Variants in SAMD14 observed in about 807,000 individuals in gnomAD.
SAMD14 encodes sterile alpha motif domain containing 14.
Under a neutral mutation model 46.2 loss-of-function variants are expected in SAMD14, and 27 were observed. The ratio of observed to expected loss-of-function variants is 0.58; its 90% confidence interval spans 0.43 to 0.81. The LOEUF (loss-of-function observed/expected upper bound fraction) is 0.81, where lower values mean the gene tolerates loss of function less well. SAMD14 is among the 30% of genes least tolerant of loss of function. SAMD14 has a pLI of 0.00. For synonymous variants in SAMD14, 241 were observed against 254.3 expected (o/e 0.95, Z 0.50); for missense variants, 559 against 582.2 (o/e 0.96, Z 0.41).
chr17:50,124,045 T>C (rs540586877), intron 2 of SAMD14: 25 of 455,732 alleles, frequency 5.5e-5, no homozygotes, highest in South Asian at 3.7e-4. Context: ...CTGGGGACCC[T>C]CTGGCATAGG....
At position 50,113,001 on chromosome 17, in the gene SAMD14, C is replaced by T. The variant is rs939545041; in HGVS notation, c.1146G>A (p.Lys382=). 6.2e-7 allele frequency: 1 copy of T among 1,612,394 alleles called. No individual in the cohort carries two copies. The highest frequency in any genetic ancestry group is 8.5e-7 in the Non-Finnish European group (1 of 1,179,990). The change falls in exon 10 of 10, where the codon AAG becomes AAA. Residue 382 remains lysine (K), a synonymous_variant. Transcript: ENST00000330175. ...NSHDRALVKR[K]LKEMAAAAEK... ...CGGCAGCTGCTGCCATCTCCTTCAA[C>T]TTGCGCTTCACCAGTGCCCGGTCAT... is the stretch of plus-strand genomic sequence containing the variant.
At position 50,114,166 on chromosome 17, in the gene SAMD14, C is replaced by A. The variant is rs762535818; in HGVS notation, c.942+21G>T. The A allele has an allele frequency of 5.0e-6, 8 of 1,614,096 alleles. No individual in the cohort carries two copies. In the South Asian group the frequency reaches 8.8e-5, roughly 18 times the overall value. ...GTCAGAGGTCAGGACTCCGTGGGCACCCTGGGCCAGCCTTGCTCACCTCAT... is the reference window on the plus strand; with the variant it reads ...GTCAGAGGTCAGGACTCCGTGGGCAACCTGGGCCAGCCTTGCTCACCTCAT... On this transcript the variant is annotated intron_variant, in intron 8 of 9. Transcript: ENST00000330175.
intron 4 of SAMD14, among the ~76,000 whole-genome samples, chr17:50,117,025 T>A (rs1318558071): frequency 5.3e-5 from 8 of 151,842 alleles, no homozygotes; most frequent in African/African-American, 1.2e-4. Flanking sequence ...GCTAATTTTT[T>A]AATTTTTTCT....
intron 7 of SAMD14, chr17:50,114,527 A>G: frequency 7.7e-7 from 1 of 1,296,262 alleles, no homozygotes; most frequent in Non-Finnish European, 1.1e-6. Flanking sequence ...ACATGGGGCT[A>G]GAACCAAGCC....
At chr17:50,128,476 ACT>A (rs200330785) in intron 1 of SAMD14, among the ~76,000 whole-genome samples, 18 of 117,340 alleles carry the variant, frequency 1.5e-4, no homozygotes, top group South Asian at 3.0e-4. Context: ...CACCCCGCAC[ACT>A]CTCTCACACA....
In SAMD14 at chr17:50,112,792, C is replaced by A. The variant is rs1048622245; in HGVS notation, c.*101G>T. 7.2e-7 allele frequency: 1 copy of A among 1,391,432 alleles called. No homozygotes were observed. Among genetic ancestry groups the A allele is most frequent in the Non-Finnish European group, 9.7e-7 (1 of 1,029,474 alleles). 86.2% of individuals were successfully genotyped at this position (1,391,432 alleles called of 1,614,324 possible). On this transcript the variant is annotated 3_prime_UTR_variant, in exon 10 of 10. Coordinates refer to ENST00000330175, the MANE Select transcript of SAMD14 (RefSeq NM_001257359.2). ...TCCCCCCTGAGAGCGTGGGACCAGG[C>A]TAGCCCAAGTGCAGCGCCCAGGTCC...
At chr17:50,123,347 G>A (rs1192949078) in intron 2 of SAMD14, among the ~76,000 whole-genome samples, 1 of 152,194 alleles carries the variant, frequency 6.6e-6, no homozygotes, top group Non-Finnish European at 1.5e-5. Context: ...GAGGCTCAAG[G>A]AGGACAGGAG....
At chr17:50,123,893 G>A (rs1911619672) in intron 2 of SAMD14, among the ~76,000 whole-genome samples, 1 of 152,138 alleles carries the variant, frequency 6.6e-6, no homozygotes, top group Non-Finnish European at 1.5e-5. Context: ...CTGGGCTTAA[G>A]TCAGGCCTGA....
rs537250349 is a variant in SAMD14 at position 50,112,784 on chromosome 17, G to T, written c.*109C>A. Reference sequence around the variant, plus strand: ...AGAGCATGTCCCCCCTGAGAGCGTGGGACCAGGCTAGCCCAAGTGCAGCGC... The same window carrying T: ...AGAGCATGTCCCCCCTGAGAGCGTGTGACCAGGCTAGCCCAAGTGCAGCGC... On this transcript the variant is annotated 3_prime_UTR_variant, in exon 10 of 10. Transcript: ENST00000330175. The T allele has an allele frequency of 1.5e-6, 2 of 1,314,520 alleles. No individual in the cohort carries two copies. The highest frequency in any genetic ancestry group is 4.5e-5 in the Admixed American group (2 of 44,072). The allele number at this position is 1,314,520 out of a possible 1,614,324, so 81.4% of individuals were successfully genotyped here.
At chr17:50,118,365 G>A in intron 2 of SAMD14, 38 bp from the exon 3 acceptor site, 1 of 1,602,508 alleles carries the variant, frequency 6.2e-7, no homozygotes, top group Non-Finnish European at 8.5e-7. Context: ...CCAGACACAT[G>A]AGAGGTGACG....
In SAMD14 at chr17:50,115,367, T is replaced by A. The variant is rs936735792; in HGVS notation, c.822+197A>T. Among the ~76,000 whole-genome samples the A allele has an allele frequency of 3.9e-5, 6 of 152,366 alleles. No individual in the cohort carries two copies. The highest frequency in any genetic ancestry group is 1.4e-4 in the African/African-American group (6 of 41,590). On this transcript the variant is annotated intron_variant, in intron 7 of 9. Transcript: ENST00000330175. This position sits in a 1 kb window ranked among gnomAD's most constrained non-coding sequence, Gnocchi z 5.3. ...GCATTGACTGAATCAAGGAATGAAC[T>A]ACTCAGAATATGAAGGAGTGGAAGA... is the stretch of plus-strand genomic sequence containing the variant.
rs753422371 is a variant in SAMD14 at position 50,115,925 on chromosome 17, G to A, written c.588-21C>T. ...TGACCCTGTGGGGAGGCAGCAGGAA[G>A]TGGGGCAGGGCTGCCCACTGTGCTA... On this transcript the variant is annotated intron_variant, in intron 5 of 9. Transcript: ENST00000330175. The surrounding 1 kb of genome is among the most constrained non-coding windows in gnomAD (Gnocchi z 5.3). 7 of 1,613,018 alleles carry A rather than the reference G, an allele frequency of 4.3e-6. No homozygotes were observed. The highest frequency in any genetic ancestry group is 5.1e-6 in the Non-Finnish European group (6 of 1,179,528).
intron 1 of SAMD14, among the ~76,000 whole-genome samples, chr17:50,127,556 G>T (rs1163704225): frequency 6.6e-6 from 1 of 151,354 alleles, no homozygotes; most frequent in Non-Finnish European, 1.5e-5. Context: ...AGCCGAGATC[G>T]TGCCATTGCA....
rs1911281682 is a variant in SAMD14, at chr17:50,117,586, C to T, written c.320G>A (p.Arg107His). Residue 107 changes from arginine (R) to histidine (H), a missense_variant, in exon 4 of 10, where the codon CGC becomes CAC. Physicochemically the swap from Arg to His is conservative, Grantham distance 29. Transcript: ENST00000330175. ...CGGCGGCTCGTCCTCGTCCAGGCTG[C>T]GCCGCAACCCCGGAGGATCCAGGCA... ...SFCLDPPGLR[R>H]SLDEDEPPPS... The T allele has an allele frequency of 4.5e-6, 7 of 1,553,088 alleles. No homozygotes were observed. The highest frequency in any genetic ancestry group is 1.2e-5 in the South Asian group (1 of 84,490).
intron 2 of SAMD14, among the ~76,000 whole-genome samples, chr17:50,120,038 C>T (rs899328010): frequency 2.0e-5 from 3 of 152,116 alleles, no homozygotes; most frequent in Non-Finnish European, 4.4e-5. Context: ...GAAATATTTA[C>T]GGTGAAGGGA....
rs1239227898 is a variant in SAMD14, at chr17:50,115,414, A to G, written c.822+150T>C. 6 of 723,090 alleles carry G rather than the reference A, an allele frequency of 8.3e-6. No homozygotes were observed. Among genetic ancestry groups the G allele is most frequent in the Non-Finnish European group, 1.3e-5 (6 of 463,960 alleles). The allele number at this position is 723,090 out of a possible 1,614,324, so 44.8% of individuals were successfully genotyped here. On this transcript the variant is annotated intron_variant, in intron 7 of 9. Coordinates refer to ENST00000330175, the MANE Select transcript of SAMD14 (RefSeq NM_001257359.2). This position sits in a 1 kb window ranked among gnomAD's most constrained non-coding sequence, Gnocchi z 5.3. ...AAGAGTGAACGAATGAATTCAGAGAATGCATGAAGTAACGGATCACTGCAT... is the reference window on the plus strand; with the variant it reads ...AAGAGTGAACGAATGAATTCAGAGAGTGCATGAAGTAACGGATCACTGCAT...
intron 4 of SAMD14, 144 bp downstream of exon 4, chr17:50,117,263 T>C: frequency 1.3e-6 from 1 of 782,152 alleles, no homozygotes; most frequent in Non-Finnish European, 1.7e-6. Flanking sequence ...CGGTAAAGAA[T>C]GAGTGAGCGG....
intron 2 of SAMD14, chr17:50,124,295 G>A (rs1303274957): frequency 7.4e-6 from 3 of 404,914 alleles, no homozygotes; most frequent in South Asian, 3.5e-5. Context: ...TACTGAGGAC[G>A]TGGGCGTGCA....
In SAMD14 at chr17:50,129,563, A is replaced by C. The variant is rs1445836699; in HGVS notation, c.-59T>G. On this transcript the variant is annotated 5_prime_UTR_variant, in exon 1 of 10. Coordinates refer to ENST00000330175, the MANE Select transcript of SAMD14 (RefSeq NM_001257359.2). The surrounding 1 kb of genome is among the most constrained non-coding windows in gnomAD (Gnocchi z 5.6). ...GCGTCTGGCGCCCCGGGAACCCCTC[A>C]GGCCCATGGTGCTCGAGGCGGGGGC... 2 of 151,922 alleles carry C rather than the reference A, an allele frequency of 1.3e-5. No homozygotes were observed. The highest frequency in any genetic ancestry group is 2.9e-5 in the Non-Finnish European group (2 of 68,000). The allele number at this position is 151,922 out of a possible 1,614,324, so 9.4% of individuals were successfully genotyped here.
Sources: gnomAD v4.1 joint callset for allele counts (sites outside exome capture counted in the v4.1 genomes callset) on GRCh38, gnomAD v4.1.1 for gene constraint, Gnocchi (gnomAD v3.1) non-coding constraint, MANE v1.5 for transcripts, NCBI Gene and HGNC (gene_info 2026-07-23, HGNC 2026-07-21) for gene names.